The following FARP1 variants were observed in gnomAD, a reference collection of about 807,000 sequenced individuals.
The protein encoded by FARP1 is FERM, ARHGEF and pleckstrin domain-containing protein 1.
In FARP1, 52 loss-of-function variants were observed where a neutral mutation model predicts 128.8. That is an observed-to-expected ratio of 0.40 (90% CI 0.32 to 0.51). FARP1 has a LOEUF of 0.51. Ranked by LOEUF, FARP1 falls within the 20% of genes least tolerant of loss-of-function variation. The pLI, the probability that FARP1 is intolerant of heterozygous loss-of-function variation, is 0.45. For missense variants in FARP1, 1,333 were observed against 1,367.9 expected (o/e 0.97, Z 0.40); for synonymous variants, 580 against 551.8 (o/e 1.05, Z -0.72).
intron 1 of FARP1, among the ~76,000 whole-genome samples, chr13:98,211,640 G>T (rs1277161696): frequency 2.0e-5 from 3 of 152,154 alleles, no homozygotes; most frequent in Non-Finnish European, 2.9e-5. Flanking sequence ...CTTCCCAGGA[G>T]TGCCTTTTCC....
chr13:98,147,811 C>A (rs1471470248), intron 1 of FARP1, among the ~76,000 whole-genome samples: 1 of 122,594 alleles, frequency 8.2e-6, no homozygotes, highest in Non-Finnish European at 1.7e-5. Context: ...CACATGCCAT[C>A]ACGCCCAGCT....
At chr13:98,440,577 G>C (rs757211076) in intron 23 of FARP1, 93 bp from the exon 24 acceptor site, 75 of 1,354,008 alleles carry the variant, frequency 5.5e-5, no homozygotes, top group Admixed American at 1.1e-4. Context: ...TGTGACTGCT[G>C]TGAGCCCCCC....
intron 26 of FARP1, 107 bp downstream of exon 26, chr13:98,446,924 C>A: frequency 8.1e-7 from 1 of 1,238,972 alleles, no homozygotes; most frequent in Non-Finnish European, 1.2e-6. Flanking sequence ...CCCTTCCCTG[C>A]CAACTAAGCG....
In FARP1 at chr13:98,176,808, G is replaced by C. The variant is rs1878085890; in HGVS notation, c.-24+33316G>C. The C allele has an allele frequency of 6.2e-7, 1 of 1,612,966 alleles. No homozygotes were observed. Among genetic ancestry groups the C allele is most frequent in the Admixed American group, 1.7e-5 (1 of 59,980 alleles). On this transcript the variant is annotated intron_variant, in intron 1 of 26. Transcript: ENST00000319562. The surrounding 1 kb of genome is among the most constrained non-coding windows in gnomAD (Gnocchi z 6.2). Reference sequence around the variant, plus strand: ...TGTGGATTCCCCGGTAGATGTGGTCGTGCTCCCGACCCCGCAGTGCCTCCT... The same window carrying C: ...TGTGGATTCCCCGGTAGATGTGGTCCTGCTCCCGACCCCGCAGTGCCTCCT...
chr13:98,428,067 C>A (rs1228615611), intron 17 of FARP1, among the ~76,000 whole-genome samples: 1 of 147,750 alleles, frequency 6.8e-6, no homozygotes, highest in African/African-American at 2.5e-5. Context: ...CTCCCACCCC[C>A]GACCCGTGCA....
rs138551042 is a variant in FARP1, at chr13:98,349,636, A to G, written c.276+5770A>G. 3.3e-4 allele frequency among the ~76,000 whole-genome samples: 46 copies of G among 139,626 alleles called. No homozygotes were observed. The East Asian group carries it at 9.5e-3, about 29-fold the overall frequency. The allele number at this position is 139,626 out of a possible 152,430, so 91.6% of individuals were successfully genotyped here. A position where few individuals can be genotyped will look rare whatever the true frequency, so the allele number is the denominator to read the frequency against. The stretch of plus-strand genomic sequence containing the variant: ...CAGTGAGCCGAGATCGCACCACTGC[A>G]CTCAAGCTTGGCGACAGAGCAAGAC... On this transcript the variant is annotated intron_variant, in intron 3 of 26. Coordinates refer to ENST00000319562, the MANE Select transcript of FARP1 (RefSeq NM_005766.4).
chr13:98,254,398 G>C (rs1883487592), intron 2 of FARP1, among the ~76,000 whole-genome samples: 2 of 152,108 alleles, frequency 1.3e-5, no homozygotes, highest in South Asian at 4.1e-4. Context: ...CTCTCCTTGT[G>C]TGTTAATAAT....
At chr13:98,289,936 A>T (rs1885369729) in intron 2 of FARP1, among the ~76,000 whole-genome samples, 1 of 152,304 alleles carries the variant, frequency 6.6e-6, no homozygotes, top group African/African-American at 2.4e-5. Flanking sequence ...TGGGTTTTTG[A>T]ATAGGTTTCC....
At chr13:98,404,820 A>G (rs1350951446) in intron 13 of FARP1, 1 of 152,200 alleles carries the variant, frequency 6.6e-6, no homozygotes, top group Non-Finnish European at 1.5e-5. Flanking sequence ...AAAATTGAGA[A>G]TGCAATCAGT....
rs562144194 is a variant in FARP1 at position 98,450,167 on chromosome 13, C to G, written c.*1850C>G. On this transcript the variant is annotated 3_prime_UTR_variant, in exon 27 of 27. Transcript: ENST00000319562. ...CAGTCCATCTGAGTGGAGTTTGAGA[C>G]ACACTACACATGAGACACACAATGA... 5.9e-5 allele frequency: 9 copies of G among 152,308 alleles called. No homozygotes were observed. The highest frequency in any genetic ancestry group is 2.0e-4 in the Admixed American group (3 of 15,302). The allele number at this position is 152,308 out of a possible 1,614,324, so 9.4% of individuals were successfully genotyped here. A position where few individuals can be genotyped will look rare whatever the true frequency, so the allele number is the denominator to read the frequency against.
intron 5 of FARP1, among the ~76,000 whole-genome samples, chr13:98,370,414 T>C (rs534246934): frequency 9.2e-5 from 14 of 152,016 alleles, no homozygotes; most frequent in Admixed American, 5.2e-4. Flanking sequence ...GGCGGTCACA[T>C]GGTGATGGCA....
chr13:98,443,303 C>T (rs1182714112), intron 24 of FARP1, among the ~76,000 whole-genome samples: 1 of 152,188 alleles, frequency 6.6e-6, no homozygotes, highest in Non-Finnish European at 1.5e-5. Flanking sequence ...TGGCAGTGAC[C>T]ACCTAGTACA....
In FARP1 at chr13:98,454,921, C is replaced by A. The variant is rs1893379756; in HGVS notation, c.*6604C>A. 6.6e-6 allele frequency: 1 copy of A among 152,312 alleles called. No homozygotes were observed. Among genetic ancestry groups the A allele is most frequent in the Non-Finnish European group, 1.5e-5 (1 of 68,108 alleles). 9.4% of individuals were successfully genotyped at this position (152,312 alleles called of 1,614,324 possible). ...AAGAGAGCACCAACTTGGCTTCCCC[C>A]ATGCATCACTGCAAAGTAAAGTTTT... On this transcript the variant is annotated 3_prime_UTR_variant, in exon 27 of 27. Coordinates refer to ENST00000319562, the MANE Select transcript of FARP1 (RefSeq NM_005766.4).
At chr13:98,236,904 A>C (rs922481664) in intron 2 of FARP1, among the ~76,000 whole-genome samples, 1 of 152,232 alleles carries the variant, frequency 6.6e-6, no homozygotes, top group South Asian at 2.1e-4. Flanking sequence ...AGGCAGAAGA[A>C]TCACTTAAAC....
intron 1 of FARP1, among the ~76,000 whole-genome samples, chr13:98,143,717 C>T (rs1875261594): frequency 8.1e-6 from 1 of 123,924 alleles, no homozygotes; most frequent in South Asian, 2.4e-4. Flanking sequence ...CCTCGGGGCT[C>T]CGGGCTGCCC....
rs72632682 is a variant in FARP1, at chr13:98,363,744, A to C, written c.277-1651A>C. Reference sequence around the variant, plus strand: ...TGACTCCTGTCTTTTGAATTTATTTATTTCTTTCTTTTTTCAAGACAGAGT... The same window carrying C: ...TGACTCCTGTCTTTTGAATTTATTTCTTTCTTTCTTTTTTCAAGACAGAGT... On this transcript the variant is annotated intron_variant, in intron 3 of 26. Coordinates refer to ENST00000319562, the MANE Select transcript of FARP1 (RefSeq NM_005766.4). 4.3e-3 allele frequency among the ~76,000 whole-genome samples: 648 copies of C among 151,850 alleles called. 4 individuals are homozygous for C. The highest frequency in any genetic ancestry group is 0.013 in the East Asian group (65 of 5,170).
intron 2 of FARP1, chr13:98,338,899 T>G (rs1887848634): frequency 6.6e-6 from 1 of 152,236 alleles, no homozygotes; most frequent in African/African-American, 2.4e-5. Flanking sequence ...ATTTTCTTAA[T>G]GAAATACAAG....
intron 2 of FARP1, among the ~76,000 whole-genome samples, chr13:98,237,299 C>T (rs369962391): frequency 1.5e-4 from 22 of 149,478 alleles, no homozygotes; most frequent in East Asian, 9.7e-4. Context: ...ATCGAAACTC[C>T]GTCTCAAAAA....
At chr13:98,291,959 GCT>G (rs1885470378) in intron 2 of FARP1, among the ~76,000 whole-genome samples, 1 of 152,180 alleles carries the variant, frequency 6.6e-6, no homozygotes, top group Non-Finnish European at 1.5e-5. Context: ...GGAAACAATA[GCT>G]TCTGTGTTCT....
Sources: gnomAD v4.1 joint callset for allele counts (sites outside exome capture counted in the v4.1 genomes callset) on GRCh38, gnomAD v4.1.1 for gene constraint, Gnocchi (gnomAD v3.1) non-coding constraint, MANE v1.5 for transcripts, NCBI Gene and HGNC (gene_info 2026-07-23, HGNC 2026-07-21) for gene names.